ANKRD18B: variants seen among roughly 807,000 people sequenced by gnomAD.
The protein encoded by ANKRD18B is ankyrin repeat domain-containing protein 18B.
A neutral mutation model predicts 111.8 loss-of-function variants in ANKRD18B; 75 were observed. That is an observed-to-expected ratio of 0.67 (90% CI 0.56 to 0.81). The LOEUF (loss-of-function observed/expected upper bound fraction) is 0.81. Among genes scored for constraint, ANKRD18B ranks in the 40% least tolerant of loss-of-function variants. The probability of loss-of-function intolerance (pLI) is 0.00; values close to 1 mark genes in which losing one functional copy is unlikely to be tolerated. For missense variants in ANKRD18B, 1,038 were observed against 1,225.5 expected (o/e 0.85, Z 2.28); for synonymous variants, 356 against 417.3 (o/e 0.85, Z 1.79).
chr9:33,538,599 G>T (rs1417402608), intron 6 of ANKRD18B, among the ~76,000 whole-genome samples: 10 of 152,004 alleles, frequency 6.6e-5, no homozygotes, highest in African/African-American at 2.4e-5. Flanking sequence ...AGCCAGGCAT[G>T]GGGGTGGGCA....
In ANKRD18B at chr9:33,548,542, C is replaced by T. The variant is rs752231071; in HGVS notation, c.1754C>T (p.Ala585Val). Reference sequence around the variant, plus strand: ...AGTGTACAGCTGGACCTAAAGCAAGCGCAGCATCGAATAAAGGAAATGAAG... The same window carrying T: ...AGTGTACAGCTGGACCTAAAGCAAGTGCAGCATCGAATAAAGGAAATGAAG... ...LESVQLDLKQ[A>V]QHRIKEMKQM... Residue 585 changes from alanine to valine, a missense_variant, in exon 11 of 19, where the codon GCG becomes GTG. By Grantham distance (64) the Ala-to-Val change is moderately conservative. This residue lies in a region of ANKRD18B where 524 missense variants were observed against 677.9 expected (regional missense o/e 0.77). Transcript: ENST00000684830. 3.9e-6 allele frequency: 6 copies of T among 1,550,838 alleles called. No individual in the cohort carries two copies. The highest frequency in any genetic ancestry group is 3.6e-5 in the South Asian group (3 of 83,912).
chr9:33,541,239 G>A lies in ANKRD18B; in HGVS notation c.1078+12G>A. The A allele has an allele frequency of 6.5e-7, 1 of 1,542,658 alleles. No individual in the cohort carries two copies. The highest frequency in any genetic ancestry group is 2.0e-5 in the Admixed American group (1 of 49,298). On this transcript the variant is annotated intron_variant, in intron 9 of 18. Transcript: ENST00000684830. ...AGAAGGTGCAAAAGGTAAGACACTT[G>A]AGTATCTCTACTCTTAACCATGTAA...
In ANKRD18B at chr9:33,524,638, T is replaced by G. The variant is rs1228964615; in HGVS notation, c.149T>G (p.Val50Gly). The change falls in exon 1 of 19, where the codon GTG becomes GGG. Residue 50 changes from valine (V) to glycine (G), a missense_variant. Physicochemically the swap from Val to Gly is moderately radical, Grantham distance 109. Coordinates refer to ENST00000684830, the MANE Select transcript of ANKRD18B (RefSeq NM_001393611.1). ...GCCATCAAGGGCGACGCCGCAGAGG[T>G]GGAGCACTGCCTGACGCGCAGGTTC... ...RAAIKGDAAE[V>G]EHCLTRRFRD... 1.3e-6 allele frequency: 2 copies of G among 1,551,404 alleles called. No homozygotes were observed. The highest frequency in any genetic ancestry group is 1.7e-6 in the Non-Finnish European group (2 of 1,146,890).
chr9:33,566,757 G>A (rs190704803), intron 15 of ANKRD18B, among the ~76,000 whole-genome samples: 1 of 152,172 alleles, frequency 6.6e-6, no homozygotes, highest in Admixed American at 6.5e-5. Context: ...AGACCAGTTG[G>A]CATAAGAGAA....
rs545122249 is a variant in ANKRD18B at position 33,571,226 on chromosome 9, T to A, written c.3178-20T>A. The A allele has an allele frequency of 1.1e-3, 1,080 of 956,432 alleles. 1 individual carries two copies. The highest frequency in any genetic ancestry group is 3.3e-3 in the African/African-American group (181 of 54,182). The allele number at this position is 956,432 out of a possible 1,614,324, so 59.2% of individuals were successfully genotyped here. A position where few individuals can be genotyped will look rare whatever the true frequency, so the allele number is the denominator to read the frequency against. On this transcript the variant is annotated intron_variant, in intron 17 of 18. Transcript: ENST00000684830. ...GTTTAACTTAAACATTATTATTATT[T>A]TTTTTTTTACTTATTTTAGATGGAG...
At chr9:33,556,452 TG>T (rs1242184771) in intron 13 of ANKRD18B, among the ~76,000 whole-genome samples, 1 of 152,004 alleles carries the variant, frequency 6.6e-6, no homozygotes, top group Non-Finnish European at 1.5e-5. Context: ...TTAGTAGAGA[TG>T]GGGTTTCACT....
At chr9:33,573,379 T>C (rs597219), downstream of ANKRD18B, 670,308 of 848,632 alleles carry the variant, frequency 0.79, 268,346 homozygotes, top group Non-Finnish European at 0.81. Flanking sequence ...GATTAGTCTC[T>C]CTGCAGCCTC....
chr9:33,568,407 C>T (rs779678367), intron 16 of ANKRD18B, among the ~76,000 whole-genome samples: 1 of 152,216 alleles, frequency 6.6e-6, no homozygotes, highest in Non-Finnish European at 1.5e-5. Context: ...TTGAGCTGTA[C>T]ATCACTGATA....
At chr9:33,574,281 T>G (rs1344262901), downstream of ANKRD18B, 1 of 172,534 alleles carries the variant, frequency 5.8e-6, no homozygotes, top group African/African-American at 2.4e-5. Context: ...TGGGGCCTGG[T>G]CAATGGAGGA....
chr9:33,554,731 C>T (rs951893870), intron 12 of ANKRD18B, among the ~76,000 whole-genome samples: 3 of 152,112 alleles, frequency 2.0e-5, no homozygotes, highest in Admixed American at 1.3e-4. Context: ...ATATCTTTAT[C>T]GAGTGTACTC....
chr9:33,566,979 C>A (rs1828694845), intron 15 of ANKRD18B, 124 bp from the exon 16 acceptor site: 3 of 878,036 alleles, frequency 3.4e-6, no homozygotes, highest in South Asian at 4.0e-5. Flanking sequence ...ATATTTTAAG[C>A]TTCAGCCTCT....
At chr9:33,534,683 T>C (rs1828170160) in intron 5 of ANKRD18B, among the ~76,000 whole-genome samples, 176 bp downstream of exon 5, 2 of 152,234 alleles carry the variant, frequency 1.3e-5, no homozygotes, top group African/African-American at 2.4e-5. Context: ...TAGTTAGAAG[T>C]AGCAATGAGT....
At position 33,548,790 on chromosome 9, in the gene ANKRD18B, A is replaced by G. The variant is rs965162355; in HGVS notation, c.2002A>G (p.Met668Val). Residue 668 changes from methionine (M) to valine (V), a missense_variant, in exon 11 of 19, where the codon ATG (methionine) becomes GTG (valine). By Grantham distance (21) the Met-to-Val change is conservative (BLOSUM62 1). Around this residue, in one of 4 missense-constraint regions of ANKRD18B, gnomAD observed 524 missense variants for 677.9 expected, o/e 0.77. Coordinates refer to ENST00000684830, the MANE Select transcript of ANKRD18B (RefSeq NM_001393611.1). The part of the protein sequence containing the change: ...DLLEERNKEL[M>V]NEYNYLKEKL... ...TCTAGAAGAAAGAAATAAGGAATTA[A>G]TGAATGAATATAATTATTTAAAAGA... The G allele has an allele frequency of 9.7e-6, 15 of 1,539,130 alleles. No individual in the cohort carries two copies. The highest frequency in any genetic ancestry group is 1.4e-5 in the African/African-American group (1 of 72,334).
At chr9:33,570,718 A>G (rs1253929809) in intron 17 of ANKRD18B, among the ~76,000 whole-genome samples, 3 of 151,078 alleles carry the variant, frequency 2.0e-5, no homozygotes, top group African/African-American at 7.3e-5. Flanking sequence ...GCTCACTGCA[A>G]CCTCCACCTC....
chr9:33,526,380 C>T (rs1828026257), intron 1 of ANKRD18B, among the ~76,000 whole-genome samples: 1 of 152,132 alleles, frequency 6.6e-6, no homozygotes. Context: ...CATTTTGTTA[C>T]AGCCAGTGAG....
chr9:33,559,889 G>T (rs568383801), intron 14 of ANKRD18B, among the ~76,000 whole-genome samples: 1 of 152,234 alleles, frequency 6.6e-6, no homozygotes, highest in African/African-American at 2.4e-5. Context: ...TGTAATCATT[G>T]TTACATCAAT....
rs533181638 is a variant in ANKRD18B at position 33,548,086 on chromosome 9, T to C, written c.1298T>C (p.Ile433Thr). Residue 433 changes from isoleucine to threonine, a missense_variant, in exon 11 of 19, where the codon ATT (isoleucine) becomes ACT (threonine). Around this residue, in one of 4 missense-constraint regions of ANKRD18B, gnomAD observed 205 missense variants for 201.3 expected, o/e 1.02. Coordinates refer to ENST00000684830, the MANE Select transcript of ANKRD18B (RefSeq NM_001393611.1). ...AAATATATTCAGGAAATTAAAAGTATTACAGAAATAAATGCTAACTTTGAA... is the reference window on the plus strand; with the variant it reads ...AAATATATTCAGGAAATTAAAAGTACTACAGAAATAAATGCTAACTTTGAA... ...EKKYIQEIKS[I>T]TEINANFEKS... 2.3e-5 allele frequency: 36 copies of C among 1,534,710 alleles called. No individual in the cohort carries two copies. The South Asian group carries it at 4.5e-4, about 19-fold the overall frequency.
intron 10 of ANKRD18B, 37 bp from the exon 11 acceptor site, chr9:33,547,887 CATCATAGATTATTT>C: frequency 8.2e-7 from 1 of 1,226,828 alleles, no homozygotes; most frequent in South Asian, 2.1e-5. Flanking sequence ...CAGAAATAAC[CATCATAGATTATTT>C]TGAGTGCTAA....
intron 8 of ANKRD18B, among the ~76,000 whole-genome samples, 195 bp downstream of exon 8, chr9:33,540,407 G>A (rs900607456): frequency 5.3e-5 from 8 of 152,228 alleles, no homozygotes; most frequent in Non-Finnish European, 1.0e-4. Flanking sequence ...ACCAGGCACC[G>A]GGAAAGCAAA....
Sources: gnomAD v4.1 joint callset for allele counts (sites outside exome capture counted in the v4.1 genomes callset) on GRCh38, gnomAD v4.1.1 for gene constraint, gnomAD v4.1.1 regional missense constraint, MANE v1.5 for transcripts, NCBI Gene and HGNC (gene_info 2026-07-23, HGNC 2026-07-21) for gene names.